The following PPM1K variants were observed in gnomAD, a reference collection of about 807,000 sequenced individuals.
The protein encoded by PPM1K is protein phosphatase, Mg2+/Mn2+ dependent 1K, also known as protein phosphatase Mn(2+)-dependent 1K.
Under a neutral mutation model 32.6 loss-of-function variants are expected in PPM1K, and 19 were observed. That is an observed-to-expected ratio of 0.58 (90% CI 0.41 to 0.86). PPM1K has a LOEUF of 0.86. PPM1K is among the 40% of genes least tolerant of loss of function. PPM1K has a pLI of 0.00. For synonymous variants in PPM1K, 159 were observed against 165.3 expected (o/e 0.96, Z 0.29); for missense variants, 362 against 461.2 (o/e 0.78, Z 1.97).
rs184796489 is a variant in PPM1K, at chr4:88,278,890, G to A, written c.-59-248C>T. 6.6e-5 allele frequency: 20 copies of A among 300,838 alleles called. No homozygotes were observed. The highest frequency in any genetic ancestry group is 3.1e-4 in the East Asian group (4 of 12,958). The allele number at this position is 300,838 out of a possible 1,614,324, so 18.6% of individuals were successfully genotyped here. A position where few individuals can be genotyped will look rare whatever the true frequency, so the allele number is the denominator to read the frequency against. On this transcript the variant is annotated intron_variant, in intron 1 of 6. Coordinates refer to ENST00000608933, the MANE Select transcript of PPM1K (RefSeq NM_152542.5). The surrounding 1 kb of genome is among the most constrained non-coding windows in gnomAD (Gnocchi z 4.2). ...TCAAAAATGAATCGATTTTCCTACC[G>A]CATTCACAGCATTTAAATTCTATAA... is the stretch of plus-strand genomic sequence containing the variant.
In PPM1K at chr4:88,261,182, T is replaced by C. The variant is rs1450869091; in HGVS notation, c.*1413A>G. The stretch of plus-strand genomic sequence containing the variant: ...GAAATTCACATTTTAACAGCAAACT[T>C]ACATGCAGATAAAGAGAAGTATAGT... On this transcript the variant is annotated 3_prime_UTR_variant, in exon 7 of 7. Coordinates refer to ENST00000608933, the MANE Select transcript of PPM1K (RefSeq NM_152542.5). The C allele has an allele frequency of 6.6e-6, 1 of 152,164 alleles. No individual in the cohort carries two copies. The highest frequency in any genetic ancestry group is 2.4e-5 in the African/African-American group (1 of 41,442). 9.4% of individuals were successfully genotyped at this position (152,164 alleles called of 1,614,324 possible). A position where few individuals can be genotyped will look rare whatever the true frequency, so the allele number is the denominator to read the frequency against.
intron 6 of PPM1K, 36 bp downstream of exon 6, chr4:88,264,965 C>T: frequency 6.2e-7 from 1 of 1,608,598 alleles, no homozygotes. Context: ...TTCCTTCCTT[C>T]TCCTTGGGAC....
At chr4:88,279,202 A>G (rs1224027983) in intron 1 of PPM1K, 1 of 152,338 alleles carries the variant, frequency 6.6e-6, no homozygotes, top group Non-Finnish European at 1.5e-5. Context: ...TCAGGAAAAA[A>G]TAACAGGCTA....
At position 88,261,447 on chromosome 4, in the gene PPM1K, G is replaced by A. The variant is rs954723452; in HGVS notation, c.*1148C>T. The A allele has an allele frequency of 7.2e-5, 11 of 152,114 alleles. No homozygotes were observed. Among genetic ancestry groups the A allele is most frequent in the African/African-American group, 1.4e-4 (6 of 41,424 alleles). 9.4% of individuals were successfully genotyped at this position (152,114 alleles called of 1,614,324 possible). A position where few individuals can be genotyped will look rare whatever the true frequency, so the allele number is the denominator to read the frequency against. ...TACTATATGCAAAACACAAAATAGCGTTAGAGATAACAAATGAGAACTTCA... is the reference window on the plus strand; with the variant it reads ...TACTATATGCAAAACACAAAATAGCATTAGAGATAACAAATGAGAACTTCA... On this transcript the variant is annotated 3_prime_UTR_variant, in exon 7 of 7. Coordinates refer to ENST00000608933, the MANE Select transcript of PPM1K (RefSeq NM_152542.5).
rs7661222 is a variant in PPM1K at position 88,258,850 on chromosome 4, C to T, written c.*3745G>A. 14,045 of 151,834 alleles carry T rather than the reference C, an allele frequency of 0.093. 1,054 individuals are homozygous for T. The highest frequency in any genetic ancestry group is 0.21 in the African/African-American group (8,715 of 41,332). 9.4% of individuals were successfully genotyped at this position (151,834 alleles called of 1,614,324 possible). A position where few individuals can be genotyped will look rare whatever the true frequency, so the allele number is the denominator to read the frequency against. ...CTGTAATCCCAGCACTTTGGGAGGC[C>T]GAGGTGGGTGGATCACTTGAGGTCA... is the stretch of plus-strand genomic sequence containing the variant. On this transcript the variant is annotated 3_prime_UTR_variant, in exon 7 of 7. Coordinates refer to ENST00000608933, the MANE Select transcript of PPM1K (RefSeq NM_152542.5).
At position 88,268,319 on chromosome 4, in the gene PPM1K, A is replaced by T; in HGVS notation, c.723T>A (p.Gly241=). ...CCAAACTATTCCAAGCTACAAAACC[A>T]CCACATTTCTTGATCCTGTTAAAAG... ...KDEKERIKKC[G]GFVAWNSLGQ... The change falls in exon 5 of 7, where the codon GGT becomes GGA. Residue 241 remains glycine, a synonymous_variant. Transcript: ENST00000608933. The T allele has an allele frequency of 2.5e-6, 4 of 1,614,168 alleles. No individual in the cohort carries two copies. Among genetic ancestry groups the T allele is most frequent in the Non-Finnish European group, 3.4e-6 (4 of 1,180,028 alleles).
intron 6 of PPM1K, 73 bp downstream of exon 6, chr4:88,264,926 AAG>A (rs1731247558): frequency 1.4e-6 from 2 of 1,464,388 alleles, no homozygotes; most frequent in Admixed American, 2.2e-5. Context: ...CAACACTCAA[AAG>A]CTAAAACACA....
Position 88,277,191 on chromosome 4 carries a change from GA to G in PPM1K, c.492del (p.Leu165Ter). The G allele has an allele frequency of 1.2e-6, 2 of 1,613,960 alleles. No individual in the cohort carries two copies. Among genetic ancestry groups the G allele is most frequent in the Non-Finnish European group, 1.7e-6 (2 of 1,179,954 alleles). Reference sequence around the variant, plus strand: ...CTCGAAAAGGCTTTATCTATTTCTAGAAAAGCCAAGGTCAACAGAGTTTCCA... The same window carrying G: ...CTCGAAAAGGCTTTATCTATTTCTAGAAAGCCAAGGTCAACAGAGTTTCCA... The part of the protein sequence containing the change: ...KNLETLLTLA[F>X]LEIDKAFSSH... On this transcript the variant is annotated frameshift_variant, in exon 3 of 7. Coordinates refer to ENST00000608933, the MANE Select transcript of PPM1K (RefSeq NM_152542.5). LOFTEE classifies it high-confidence loss of function.
In PPM1K at chr4:88,268,189, C is replaced by A; in HGVS notation, c.852+1G>T. 1 of 1,614,082 alleles carries A rather than the reference C, an allele frequency of 6.2e-7. No individual in the cohort carries two copies. Among genetic ancestry groups the A allele is most frequent in the Non-Finnish European group, 8.5e-7 (1 of 1,179,962 alleles). ...TCAAGTGTTTGCAGGTCCTTTCTTA[C>A]CTTAATCCTCTTAGTTTCAGGTTCT... On this transcript the variant is annotated splice_donor_variant, in intron 5 of 6. Transcript: ENST00000608933. LOFTEE classifies it high-confidence loss of function.
Position 88,268,429 on chromosome 4 carries a change from T to C in PPM1K, c.708-95A>G, listed in dbSNP as rs1419039922. The C allele has an allele frequency of 1.1e-5, 15 of 1,401,680 alleles. No individual in the cohort carries two copies. The East Asian group carries it at 1.6e-4, about 15-fold the overall frequency. The allele number at this position is 1,401,680 out of a possible 1,614,324, so 86.8% of individuals were successfully genotyped here. On this transcript the variant is annotated intron_variant, in intron 4 of 6. Coordinates refer to ENST00000608933, the MANE Select transcript of PPM1K (RefSeq NM_152542.5). ...CGAGGTCAGGAGATCGAGACCATCC[T>C]GGCTAACACGGTGAAACCCCGTCTC...
At chr4:88,265,383 C>T (rs751224382) in intron 5 of PPM1K, among the ~76,000 whole-genome samples, 15 of 152,138 alleles carry the variant, frequency 9.9e-5, no homozygotes, top group Non-Finnish European at 1.6e-4. Context: ...ATGCCGTTTT[C>T]ATAATAGTGA....
chr4:88,283,574 C>G (rs555190340), intron 1 of PPM1K, among the ~76,000 whole-genome samples: 1 of 152,396 alleles, frequency 6.6e-6, no homozygotes, highest in South Asian at 2.1e-4. Context: ...TGCAAATTCC[C>G]TGGCTATTTC....
intron 3 of PPM1K, chr4:88,276,642 T>A: frequency 1.0e-6 from 1 of 984,972 alleles, no homozygotes; most frequent in Non-Finnish European, 1.2e-6. Flanking sequence ...CTTCTAGTTA[T>A]ACAAATTAGT....
chr4:88,268,546 G>A (rs544878093), intron 4 of PPM1K, among the ~76,000 whole-genome samples, 195 bp downstream of exon 4: 22 of 152,252 alleles, frequency 1.4e-4, no homozygotes, highest in East Asian at 1.2e-3. Flanking sequence ...GTGTGAACCC[G>A]GGAGGTGGAG....
At position 88,268,713 on chromosome 4, in the gene PPM1K, T is replaced by C. The variant is rs1365915639; in HGVS notation, c.707+28A>G. On this transcript the variant is annotated intron_variant, in intron 4 of 6. Coordinates refer to ENST00000608933, the MANE Select transcript of PPM1K (RefSeq NM_152542.5). Reference sequence around the variant, plus strand: ...AACTAAAAACATCATCCACATAGAATGATATGATGGATCAGTGGTGGTAGT... The same window carrying C: ...AACTAAAAACATCATCCACATAGAACGATATGATGGATCAGTGGTGGTAGT... The C allele has an allele frequency of 2.5e-6, 4 of 1,586,684 alleles. No individual in the cohort carries two copies. The African/African-American group carries it at 4.0e-5, about 16-fold the overall frequency.
intron 1 of PPM1K, among the ~76,000 whole-genome samples, chr4:88,282,285 A>T (rs1732046098): frequency 6.6e-6 from 1 of 152,220 alleles, no homozygotes; most frequent in African/African-American, 2.4e-5. Flanking sequence ...CTGTTCTTGT[A>T]TGTTAAAAGC....
intron 2 of PPM1K, chr4:88,277,831 T>C (rs531675268): frequency 1.5e-5 from 6 of 409,928 alleles, no homozygotes; most frequent in South Asian, 2.6e-5. Context: ...TTATCTGTCC[T>C]ACACTGATGG....
chr4:88,280,344 T>A (rs559807200), intron 1 of PPM1K, among the ~76,000 whole-genome samples: 2 of 152,364 alleles, frequency 1.3e-5, no homozygotes, highest in Admixed American at 6.5e-5. Flanking sequence ...ATCAAAGACT[T>A]AGGAAGTCAT....
chr4:88,266,013 G>T (rs1731288327), intron 5 of PPM1K, among the ~76,000 whole-genome samples: 1 of 152,160 alleles, frequency 6.6e-6, no homozygotes, highest in South Asian at 2.1e-4. Context: ...GAAAAATGGG[G>T]ATAGTAGTAC....
Sources: allele counts gnomAD v4.1 joint callset (sites outside exome capture counted in the v4.1 genomes callset), GRCh38; gene constraint gnomAD v4.1.1; non-coding constraint Gnocchi (gnomAD v3.1); transcripts MANE v1.5; gene names NCBI Gene and HGNC (gene_info 2026-07-23, HGNC 2026-07-21).